ZNF875: variants seen among roughly 807,000 people sequenced by gnomAD.
The protein encoded by ZNF875 is HKR1, GLI-Kruppel zinc finger family member.
ZNF875 carries 14 observed loss-of-function variants against 11.2 expected under a neutral mutation model. The observed-to-expected ratio is 1.26, with a 90% CI of 0.83 to 1.96. The LOEUF is 1.96. ZNF875 is among the 30% of genes most tolerant of loss of function. The probability of loss-of-function intolerance (pLI) is 0.00; values close to 1 mark genes in which losing one functional copy is unlikely to be tolerated. For missense variants in ZNF875, 752 were observed against 760.4 expected (o/e 0.99, Z 0.13); for synonymous variants, 301 against 281.1 (o/e 1.07, Z -0.71).
chr19:37,355,605 C>T (rs2038766939), intron 4 of ZNF875, among the ~76,000 whole-genome samples: 1 of 152,128 alleles, frequency 6.6e-6, no homozygotes, highest in Admixed American at 6.5e-5. Flanking sequence ...CTGTTATCTA[C>T]CATTCGTATT....
chr19:37,330,695 G>A (rs540712093), upstream of ZNF875, among the ~76,000 whole-genome samples: 1 of 152,198 alleles, frequency 6.6e-6, no homozygotes, highest in Non-Finnish European at 1.5e-5. Flanking sequence ...GTCTCATTCT[G>A]TAAGTCTTGG....
At chr19:37,314,287 A>AT (rs992361049), upstream of ZNF875, among the ~76,000 whole-genome samples, 11 of 151,698 alleles carry the variant, frequency 7.3e-5, no homozygotes, top group South Asian at 2.1e-4. Context: ...AATTATTATT[A>AT]TTTTTTTTAT....
chr19:37,334,370 C>T (rs1018282533), upstream of ZNF875, among the ~76,000 whole-genome samples: 4 of 152,228 alleles, frequency 2.6e-5, no homozygotes, highest in African/African-American at 9.6e-5. Flanking sequence ...CCGCAGAGCA[C>T]CGGGACCACA....
chr19:37,362,288 T>C lies in ZNF875; in HGVS notation c.436T>C (p.Phe146Leu). ...PEDQKQQQDP[F>L]CFSGKAEWIQ... ...AGATCAGAAACAACAGCAGGATCCA[T>C]TCTGCTTTAGTGGCAAAGCAGAATG... Residue 146 changes from phenylalanine to leucine, a missense_variant, in exon 5 of 5, where the codon TTC becomes CTC. Transcript: ENST00000392153. The C allele has an allele frequency of 6.2e-7, 1 of 1,614,152 alleles. No individual in the cohort carries two copies. Among genetic ancestry groups the C allele is most frequent in the Non-Finnish European group, 8.5e-7 (1 of 1,180,024 alleles).
At chr19:37,350,708 C>T (rs1001987289) in intron 4 of ZNF875, among the ~76,000 whole-genome samples, 1 of 151,152 alleles carries the variant, frequency 6.6e-6, no homozygotes, top group African/African-American at 2.4e-5. Context: ...ACTCTTCTAT[C>T]ACTACAAAGA....
At chr19:37,321,937 T>A (rs548805776) in intron 1 of ZNF875, among the ~76,000 whole-genome samples, 1 of 152,354 alleles carries the variant, frequency 6.6e-6, no homozygotes, top group East Asian at 1.9e-4. Flanking sequence ...TGGTCTCCTT[T>A]GAAATTCTGT....
At chr19:37,347,419 C>A in intron 3 of ZNF875, 103 bp downstream of exon 3, 1 of 1,144,320 alleles carries the variant, frequency 8.7e-7, no homozygotes, top group Non-Finnish European at 1.2e-6. Flanking sequence ...TAGAGTTGAG[C>A]TTGAAAACAA....
chr19:37,363,402 A>G lies in ZNF875; in HGVS notation c.1550A>G (p.Asp517Gly), dbSNP rs368777635. Residue 517 changes from aspartate to glycine, a missense_variant, in exon 5 of 5, where the codon GAT (aspartate) becomes GGT (glycine). Coordinates refer to ENST00000392153, the MANE Select transcript of ZNF875 (RefSeq NM_001353803.2). ...GCTGAGTGTGGACGAGGCTTTAATG[A>G]TAAGTCCACCCTCATTTCACACCAG... ...VCAECGRGFN[D>G]KSTLISHQRT... 8.7e-6 allele frequency: 14 copies of G among 1,612,966 alleles called. No individual in the cohort carries two copies. The highest frequency in any genetic ancestry group is 1.3e-5 in the African/African-American group (1 of 74,572).
intron 4 of ZNF875, among the ~76,000 whole-genome samples, chr19:37,352,348 C>G (rs1302266799): frequency 1.3e-5 from 2 of 152,192 alleles, no homozygotes; most frequent in African/African-American, 4.8e-5. Context: ...TCAAGTGATT[C>G]TCCTGCTTCA....
chr19:37,361,963 G>GA, intron 4 of ZNF875, 146 bp from the exon 5 acceptor site: 1 of 620,244 alleles, frequency 1.6e-6, no homozygotes, highest in Non-Finnish European at 2.9e-6. Context: ...GAAGTGAAAT[G>GA]AAAAATAGAT....
intron 2 of ZNF875, among the ~76,000 whole-genome samples, chr19:37,342,586 A>AT (rs2035954457): frequency 6.6e-6 from 1 of 151,782 alleles, no homozygotes; most frequent in Non-Finnish European, 1.5e-5. Flanking sequence ...GTAATTTTGT[A>AT]TTTTTAGTAG....
At chr19:37,348,229 AATTG>A (rs1470862461) in intron 4 of ZNF875, among the ~76,000 whole-genome samples, 4 of 152,248 alleles carry the variant, frequency 2.6e-5, no homozygotes, top group African/African-American at 9.6e-5. Flanking sequence ...TGCTAAGATT[AATTG>A]ATTAACTCCA....
chr19:37,348,587 T>TTA (rs1249408817), intron 4 of ZNF875, among the ~76,000 whole-genome samples: 1 of 152,250 alleles, frequency 6.6e-6, no homozygotes, highest in Admixed American at 6.5e-5. Context: ...TGTACTATGT[T>TTA]GGTATATGTA....
intron 3 of ZNF875, 51 bp from the exon 4 acceptor site, chr19:37,347,726 C>T (rs2037082700): frequency 1.8e-6 from 2 of 1,134,156 alleles, no homozygotes; most frequent in Non-Finnish European, 2.7e-6. Flanking sequence ...TTCTAGAATG[C>T]CCTCTTGAGC....
intron 2 of ZNF875, among the ~76,000 whole-genome samples, chr19:37,342,399 A>G (rs2035899229): frequency 6.7e-6 from 1 of 148,390 alleles, no homozygotes; most frequent in East Asian, 2.0e-4. Context: ...CACTAGAAAC[A>G]TCCAACTGAA....
rs1171036492 is a variant in ZNF875 at position 37,334,789 on chromosome 19, G to A, written c.-57+7G>A. The A allele has an allele frequency of 4.4e-6, 2 of 456,930 alleles. No homozygotes were observed. Among genetic ancestry groups the A allele is most frequent in the East Asian group, 6.9e-5 (1 of 14,440 alleles). The allele number at this position is 456,930 out of a possible 1,614,324, so 28.3% of individuals were successfully genotyped here. A position where few individuals can be genotyped will look rare whatever the true frequency, so the allele number is the denominator to read the frequency against. ...CAGCGTGCACCCGCGTTCCGTGAGT[G>A]CCCTATAGGCAGTCAGCATGCCCCT... On this transcript the variant is annotated splice_region_variant and intron_variant, in intron 1 of 4. Transcript: ENST00000392153.
chr19:37,349,964 CT>C (rs34941573), intron 4 of ZNF875, among the ~76,000 whole-genome samples: 37,289 of 77,432 alleles, frequency 0.48, 10,535 homozygotes, highest in African/African-American at 0.71. Flanking sequence ...CCCCACTGGC[CT>C]TTTTTTTTTT....
intron 2 of ZNF875, among the ~76,000 whole-genome samples, chr19:37,343,702 A>G (rs2036226592): frequency 6.6e-6 from 1 of 152,116 alleles, no homozygotes; most frequent in African/African-American, 2.4e-5. Context: ...ATCTGCTTGC[A>G]TCATGTTTGC....
At chr19:37,315,998 C>T (rs2030163840), upstream of ZNF875, among the ~76,000 whole-genome samples, 1 of 152,104 alleles carries the variant, frequency 6.6e-6, no homozygotes, top group Admixed American at 6.5e-5. Context: ...CGCATTCCAT[C>T]CCTGATACTC....
Sources: allele counts gnomAD v4.1 joint callset (sites outside exome capture counted in the v4.1 genomes callset), GRCh38; gene constraint gnomAD v4.1.1; transcripts MANE v1.5; gene names NCBI Gene and HGNC (gene_info 2026-07-23, HGNC 2026-07-21).